The following NHERF4 variants were observed in gnomAD, a reference collection of about 807,000 sequenced individuals.
NHERF4 encodes NHERF family PDZ scaffold protein 4, also known as Na(+)/H(+) exchange regulatory cofactor NHE-RF4.
chr11:119,186,502 C>T, the NHERF4 span: 145 of 1,614,156 alleles, frequency 9.0e-5, no homozygotes, highest in Non-Finnish European at 1.1e-4. This position sits in a 1 kb window ranked among gnomAD's most constrained non-coding sequence, Gnocchi z 4.4. Context: ...GGAGCGGCCT[C>T]GCTTCTGTTT....
the NHERF4 span, chr11:119,188,027 G>A: frequency 3.9e-6 from 6 of 1,558,076 alleles, no homozygotes; most frequent in Non-Finnish European, 5.2e-6. Flanking sequence ...GCCCCTGGCT[G>A]CACCCCTGGC....
chr11:119,188,719 T>C, the NHERF4 span: 25 of 1,614,182 alleles, frequency 1.5e-5, no homozygotes, highest in South Asian at 2.3e-4. Context: ...GCCTCACTGG[T>C]TGAGACAGAG....
At chr11:119,185,605 T>C in the NHERF4 span, 2 of 1,247,426 alleles carry the variant, frequency 1.6e-6, no homozygotes, top group East Asian at 2.3e-5. Flanking sequence ...ACACTTGATT[T>C]TGGGGCTTGG....
chr11:119,186,405 C>G, the NHERF4 span: 1 of 1,577,948 alleles, frequency 6.3e-7, no homozygotes, highest in Non-Finnish European at 8.7e-7. The surrounding 1 kb of genome is among the most constrained non-coding windows in gnomAD (Gnocchi z 4.4). Context: ...ACAGGGTCTG[C>G]CAGGCACACG....
At chr11:119,189,840 C>A in the NHERF4 span, 25 of 373,854 alleles carry the variant, frequency 6.7e-5, no homozygotes, top group Admixed American at 6.6e-4. The surrounding 1 kb of genome is among the most constrained non-coding windows in gnomAD (Gnocchi z 5.8). Flanking sequence ...GAGTGTAATG[C>A]AAAAATTTGG....
chr11:119,187,414 C>G, the NHERF4 span: 2 of 1,614,056 alleles, frequency 1.2e-6, no homozygotes, highest in Non-Finnish European at 1.7e-6. Context: ...CCGGCTGTGC[C>G]ACATAGTGAA....
chr11:119,189,075 A>G, the NHERF4 span: 2 of 1,614,124 alleles, frequency 1.2e-6, no homozygotes, highest in Admixed American at 1.7e-5. This position sits in a 1 kb window ranked among gnomAD's most constrained non-coding sequence, Gnocchi z 5.8. Context: ...GTGAACGGGT[A>G]TCCTGTTGGG....
At chr11:119,186,354 A>C in the NHERF4 span, 201 of 1,554,578 alleles carry the variant, frequency 1.3e-4, no homozygotes, top group Non-Finnish European at 1.3e-4. This position sits in a 1 kb window ranked among gnomAD's most constrained non-coding sequence, Gnocchi z 4.4. Flanking sequence ...CCACCACCCA[A>C]CACCCAACCA....
the NHERF4 span, chr11:119,185,969 T>G: frequency 6.2e-7 from 1 of 1,614,036 alleles, no homozygotes; most frequent in East Asian, 2.2e-5. Flanking sequence ...GCCACGAGGG[T>G]TGGGGCAAGG....
chr11:119,186,327 C>T, the NHERF4 span: 3 of 1,569,120 alleles, frequency 1.9e-6, no homozygotes, highest in Non-Finnish European at 1.7e-6. The surrounding 1 kb of genome is among the most constrained non-coding windows in gnomAD (Gnocchi z 4.4). Context: ...CTGTCCCAGT[C>T]CCTCTGCCCA....
At chr11:119,187,285 C>T in the NHERF4 span, 691 of 1,604,850 alleles carry the variant, frequency 4.3e-4, no homozygotes, top group Non-Finnish European at 5.5e-4. Context: ...ACGCCGCATC[C>T]GGGCCAGCAG....
chr11:119,188,479 C>A, the NHERF4 span: 1 of 1,610,530 alleles, frequency 6.2e-7, no homozygotes, highest in South Asian at 1.1e-5. Flanking sequence ...AGACAGTGTC[C>A]AGGATCCAGG....
chr11:119,188,629 C>T, the NHERF4 span: 146 of 1,613,716 alleles, frequency 9.0e-5, no homozygotes, highest in Admixed American at 2.5e-4. Context: ...GCTCTCCCTG[C>T]CACCTTCCAG....
At chr11:119,189,287 T>A in the NHERF4 span, 1 of 1,518,708 alleles carries the variant, frequency 6.6e-7, no homozygotes, top group Non-Finnish European at 9.0e-7. This position sits in a 1 kb window ranked among gnomAD's most constrained non-coding sequence, Gnocchi z 5.8. Context: ...GTGGGCGAGG[T>A]ACAAGGTGAA....
the NHERF4 span, chr11:119,189,116 C>T: frequency 6.2e-7 from 1 of 1,614,030 alleles, no homozygotes; most frequent in East Asian, 2.2e-5. The surrounding 1 kb of genome is among the most constrained non-coding windows in gnomAD (Gnocchi z 5.8). Flanking sequence ...GCTTCAGCAG[C>T]TGCCTGAGGC....
At chr11:119,188,434 G>A in the NHERF4 span, 1 of 1,613,722 alleles carries the variant, frequency 6.2e-7, no homozygotes, top group Non-Finnish European at 8.5e-7. Context: ...TGGTGGCTGT[G>A]GCTGGGGAGA....
the NHERF4 span, chr11:119,188,025 C>A: frequency 6.4e-7 from 1 of 1,559,240 alleles, no homozygotes; most frequent in African/African-American, 1.3e-5. Flanking sequence ...TTGCCCCTGG[C>A]TGCACCCCTG....
chr11:119,190,106 T>C, the NHERF4 span: 2 of 562,978 alleles, frequency 3.6e-6, no homozygotes, highest in South Asian at 5.9e-5. The surrounding 1 kb of genome is among the most constrained non-coding windows in gnomAD (Gnocchi z 4.2). Context: ...TCAGGGATAA[T>C]GGGTCAACCC....
At chr11:119,185,855 C>T in the NHERF4 span, 1 of 1,603,960 alleles carries the variant, frequency 6.2e-7, no homozygotes, top group Non-Finnish European at 8.5e-7. Flanking sequence ...TTAGTTTATG[C>T]CAATGGAAGA....
Sources: gnomAD v4.1 joint callset for allele counts on GRCh38, gnomAD v4.1.1 for gene constraint, Gnocchi (gnomAD v3.1) non-coding constraint, MANE v1.5 for transcripts, NCBI Gene and HGNC (gene_info 2026-07-23, HGNC 2026-07-21) for gene names.